The following RBFOX3 variants were observed in gnomAD, a reference collection of about 807,000 sequenced individuals.
RBFOX3 encodes RNA binding protein fox-1 homolog 3.
In RBFOX3, 17 loss-of-function variants were observed where a neutral mutation model predicts 48.7. The observed-to-expected ratio is 0.35, with a 90% confidence interval of 0.24 to 0.52. RBFOX3 has a LOEUF of 0.52. Among genes scored for constraint, RBFOX3 ranks in the 20% least tolerant of loss-of-function variants. The probability of loss-of-function intolerance (pLI) is 0.94; values close to 1 mark genes in which losing one functional copy is unlikely to be tolerated. For synonymous variants in RBFOX3, 212 were observed against 209.5 expected, an observed-to-expected ratio of 1.01 and a Z score of -0.10; for missense variants, 382 against 497.5, an observed-to-expected ratio of 0.77 and a Z score of 2.21.
chr17:79,632,614 G>C, the RBFOX3 span, among the ~76,000 whole-genome samples: 2 of 152,154 alleles, frequency 1.3e-5, no homozygotes, highest in East Asian at 3.9e-4. Context: ...CCGGCCACAC[G>C]CTCCTGTGGC....
Position 79,166,162 on chromosome 17 carries a change from G to GAA in RBFOX3, c.-33-50415_-33-50414insTT, listed in dbSNP as rs1568265387. ...GCCCACCCCTCCTGTTCCCCCCCCGGGCAGGTAAGGGCGAACCTTGGCCCC... is the reference window on the plus strand; with the variant it reads ...GCCCACCCCTCCTGTTCCCCCCCCGGAAGCAGGTAAGGGCGAACCTTGGCCCC... On this transcript the variant is annotated intron_variant, in intron 4 of 14. Transcript: ENST00000693108. Among the ~76,000 whole-genome samples, 1,291 of 152,170 alleles carry GAA rather than the reference G, an allele frequency of 8.5e-3. 17 individuals are homozygous for GAA. Among genetic ancestry groups the GAA allele is most frequent in the African/African-American group, 0.03 (1,232 of 41,526 alleles).
chr17:79,594,579 C>A (rs1488031579), intron 1 of RBFOX3, among the ~76,000 whole-genome samples: 1 of 152,220 alleles, frequency 6.6e-6, no homozygotes, highest in African/African-American at 2.4e-5. Context: ...ACAAACCCAG[C>A]ACCTCGAGGT....
At position 79,480,908 on chromosome 17, in the gene RBFOX3, G is replaced by C. The variant is rs758053699; in HGVS notation, c.-175+1546C>G. Reference sequence around the variant, plus strand: ...ATAAACACCATGAGGGCCAGAACTTGACCTTGTCTCCACTGCGTCTCCAGC... The same window carrying C: ...ATAAACACCATGAGGGCCAGAACTTCACCTTGTCTCCACTGCGTCTCCAGC... On this transcript the variant is annotated intron_variant, in intron 2 of 14. Coordinates refer to ENST00000693108, the MANE Select transcript of RBFOX3 (RefSeq NM_001350451.2). This position sits in a 1 kb window ranked among gnomAD's most constrained non-coding sequence, Gnocchi z 4.8. Among the ~76,000 whole-genome samples, 1 of 152,182 alleles carries C rather than the reference G, an allele frequency of 6.6e-6. No individual in the cohort carries two copies. Among genetic ancestry groups the C allele is most frequent in the African/African-American group, 2.4e-5 (1 of 41,432 alleles).
chr17:79,096,972 A>C (rs1312955424), intron 11 of RBFOX3, 139 bp from the exon 12 acceptor site: 5 of 598,376 alleles, frequency 8.4e-6, no homozygotes, highest in Non-Finnish European at 1.5e-5. Context: ...GACCCCAGGG[A>C]ATGGGAGCAG....
rs922093541 is a variant in RBFOX3, at chr17:79,482,100, G to A, written c.-175+354C>T. Reference sequence around the variant, plus strand: ...GCAGCAGAACACGAACCGTGCAGGGGAGGGTCAGGCCCTGACTTTGGACTC... The same window carrying A: ...GCAGCAGAACACGAACCGTGCAGGGAAGGGTCAGGCCCTGACTTTGGACTC... On this transcript the variant is annotated intron_variant, in intron 2 of 14. Transcript: ENST00000693108. This position sits in a 1 kb window ranked among gnomAD's most constrained non-coding sequence, Gnocchi z 4.1. Among the ~76,000 whole-genome samples the A allele has an allele frequency of 1.8e-4, 27 of 152,268 alleles. No homozygotes were observed. The highest frequency in any genetic ancestry group is 6.5e-4 in the African/African-American group (27 of 41,550).
At chr17:79,138,043 C>T (rs574347284) in intron 4 of RBFOX3, among the ~76,000 whole-genome samples, 52 of 152,282 alleles carry the variant, frequency 3.4e-4, no homozygotes, top group African/African-American at 1.2e-3. Flanking sequence ...GCACTGTCTC[C>T]GTCACACGCC....
intron 6 of RBFOX3, among the ~76,000 whole-genome samples, chr17:79,105,310 G>A (rs1002703727): frequency 6.6e-6 from 1 of 152,166 alleles, no homozygotes; most frequent in African/African-American, 2.4e-5. Flanking sequence ...GGAGTTGATG[G>A]CGGATGGTGC....
chr17:79,383,373 C>T (rs1413830048), intron 2 of RBFOX3, among the ~76,000 whole-genome samples: 2 of 152,260 alleles, frequency 1.3e-5, no homozygotes, highest in East Asian at 1.9e-4. Flanking sequence ...CACCACCCCA[C>T]GGCCGCGGCG....
At position 79,212,410 on chromosome 17, in the gene RBFOX3, C is replaced by T. The variant is rs1451027623; in HGVS notation, c.-34+23356G>A. Among the ~76,000 whole-genome samples, 1 of 152,122 alleles carries T rather than the reference C, an allele frequency of 6.6e-6. No homozygotes were observed. The highest frequency in any genetic ancestry group is 1.5e-5 in the Non-Finnish European group (1 of 67,970). On this transcript the variant is annotated intron_variant, in intron 4 of 14. Transcript: ENST00000693108. The surrounding 1 kb of genome is among the most constrained non-coding windows in gnomAD (Gnocchi z 4.7). Reference sequence around the variant, plus strand: ...CTTCCTTCCCTCCTGCAGCCGGGCTCCTGGCGCTGCCCGTTCCCAATTTCT... The same window carrying T: ...CTTCCTTCCCTCCTGCAGCCGGGCTTCTGGCGCTGCCCGTTCCCAATTTCT...
the RBFOX3 span, among the ~76,000 whole-genome samples, chr17:79,654,658 A>G: frequency 6.6e-6 from 1 of 152,350 alleles, no homozygotes; most frequent in East Asian, 1.9e-4. Flanking sequence ...TTTCCAAACA[A>G]AAAGAACTGG....
Position 79,418,951 on chromosome 17 carries a change from AAT to A in RBFOX3, c.-175+63501_-175+63502del, listed in dbSNP as rs2065809553. On this transcript the variant is annotated intron_variant, in intron 2 of 14. Coordinates refer to ENST00000693108, the MANE Select transcript of RBFOX3 (RefSeq NM_001350451.2). This position sits in a 1 kb window ranked among gnomAD's most constrained non-coding sequence, Gnocchi z 5.0. ...AATTATATTCACATTCTGCTAGACA[AAT>A]AGATTTTACAAGCCCTCAGTTAAAT... Among the ~76,000 whole-genome samples, 1 of 152,128 alleles carries A rather than the reference AAT, an allele frequency of 6.6e-6. No individual in the cohort carries two copies. Among genetic ancestry groups the A allele is most frequent in the African/African-American group, 2.4e-5 (1 of 41,420 alleles).
intron 2 of RBFOX3, among the ~76,000 whole-genome samples, chr17:79,356,320 C>T (rs533865897): frequency 3.6e-5 from 5 of 138,452 alleles, no homozygotes; most frequent in South Asian, 2.4e-4. Flanking sequence ...CCGTGAGGCA[C>T]GTACTTTTTC....
At chr17:79,286,506 C>T (rs77231809) in intron 3 of RBFOX3, among the ~76,000 whole-genome samples, 4,612 of 152,284 alleles carry the variant, frequency 0.03, 113 homozygotes, top group East Asian at 0.067. Flanking sequence ...GGGGGTGCTT[C>T]ACGCCCGGCC....
chr17:79,536,695 C>T (rs77805610), intron 1 of RBFOX3, among the ~76,000 whole-genome samples: 3,811 of 152,358 alleles, frequency 0.025, 94 homozygotes, highest in African/African-American at 0.056. Flanking sequence ...CTGTATCATC[C>T]GTCCTCTAAC....
intron 3 of RBFOX3, among the ~76,000 whole-genome samples, chr17:79,306,308 A>C (rs2076087689): frequency 6.6e-6 from 1 of 152,258 alleles, no homozygotes; most frequent in South Asian, 2.1e-4. Context: ...GGCACTCAGC[A>C]GTGCTAGCTG....
chr17:79,140,861 G>A (rs1447629426), intron 4 of RBFOX3, among the ~76,000 whole-genome samples: 1 of 152,186 alleles, frequency 6.6e-6, no homozygotes, highest in East Asian at 1.9e-4. Flanking sequence ...GAGATATTTG[G>A]GAAACGGAGC....
intron 4 of RBFOX3, among the ~76,000 whole-genome samples, chr17:79,188,515 C>T (rs1265590414): frequency 2.6e-5 from 4 of 152,166 alleles, no homozygotes; most frequent in Non-Finnish European, 4.4e-5. Flanking sequence ...AGACTGAAAG[C>T]GAAGGGCACA....
Position 79,581,591 on chromosome 17 carries a change from CT to C in RBFOX3, c.-320+29234del, listed in dbSNP as rs1386783341. 6.6e-5 allele frequency among the ~76,000 whole-genome samples: 10 copies of C among 152,380 alleles called. No individual in the cohort carries two copies. In the East Asian group the frequency reaches 1.9e-3, roughly 29 times the overall value. On this transcript the variant is annotated intron_variant, in intron 1 of 14. Transcript: ENST00000693108. ...CACGGCTGTGTAGACGCTCCTTGGC[CT>C]GCCTTGCCCCGAGGCTGAGGATGCT...
At chr17:79,495,100 G>A (rs1353597931) in intron 1 of RBFOX3, among the ~76,000 whole-genome samples, 1 of 151,968 alleles carries the variant, frequency 6.6e-6, no homozygotes, top group East Asian at 2.0e-4. Context: ...CCCCGTTAAG[G>A]GTCGAAGCCC....
Sources: gnomAD v4.1 joint callset for allele counts (sites outside exome capture counted in the v4.1 genomes callset) on GRCh38, gnomAD v4.1.1 for gene constraint, Gnocchi (gnomAD v3.1) non-coding constraint, MANE v1.5 for transcripts, NCBI Gene and HGNC (gene_info 2026-07-23, HGNC 2026-07-21) for gene names.